The following SYNE2 variants were observed in gnomAD, a reference collection of about 807,000 sequenced individuals.
SYNE2 encodes the protein spectrin repeat containing nuclear envelope protein 2, also known as nesprin-2.
Under a neutral mutation model 856.3 loss-of-function variants are expected in SYNE2, and 431 were observed. The ratio of observed to expected loss-of-function variants is 0.50; its 90% confidence interval spans 0.47 to 0.55. SYNE2 has a LOEUF of 0.55. Ranked by LOEUF, SYNE2 falls within the 20% of genes least tolerant of loss-of-function variation. The pLI, the probability that SYNE2 is intolerant of heterozygous loss-of-function variation, is 0.00. For synonymous variants in SYNE2, 2,923 were observed against 2,872.3 expected (o/e 1.02, Z -0.56); for missense variants, 8,129 against 8,023.2 (o/e 1.01, Z -0.50).
chr14:63,981,956 T>C (rs1269123614), intron 16 of SYNE2, among the ~76,000 whole-genome samples: 1 of 152,164 alleles, frequency 6.6e-6, no homozygotes, highest in Admixed American at 6.5e-5. Context: ...TCCAACAGTC[T>C]TTCTGTCTTT....
At chr14:63,836,604 G>A (rs895381492) in intron 1 of SYNE2, among the ~76,000 whole-genome samples, 2 of 152,016 alleles carry the variant, frequency 1.3e-5, no homozygotes, top group Admixed American at 1.3e-4. Flanking sequence ...AAGTTTTGTT[G>A]GTTGTGCCTT....
chr14:63,813,294 G>A (rs960587657), intron 1 of SYNE2, among the ~76,000 whole-genome samples: 1 of 152,180 alleles, frequency 6.6e-6, no homozygotes, highest in Non-Finnish European at 1.5e-5. Flanking sequence ...TGAATGTAGA[G>A]AGAAAAATCG....
chr14:64,035,169 G>A (rs2097076934), intron 45 of SYNE2, among the ~76,000 whole-genome samples: 1 of 151,850 alleles, frequency 6.6e-6, no homozygotes, highest in African/African-American at 2.4e-5. Flanking sequence ...TGATGTTTAA[G>A]AAGGCATTTG....
At chr14:63,815,124 C>G (rs183409947) in intron 1 of SYNE2, among the ~76,000 whole-genome samples, 2 of 93,750 alleles carry the variant, frequency 2.1e-5, no homozygotes, top group Non-Finnish European at 4.7e-5. Flanking sequence ...CCATATATAT[C>G]CACATATATA....
In SYNE2 at chr14:64,096,680, T is replaced by C. The variant is rs528772919; in HGVS notation, c.12109-1269T>C. On this transcript the variant is annotated intron_variant, in intron 61 of 115. Coordinates refer to ENST00000555002, the MANE Select transcript of SYNE2 (RefSeq NM_182914.3). ...CAGAATAGGGGTATTGGCATAGAAATGTGTGCAGTACAGCCAGGAGAAAGC... is the reference window on the plus strand; with the variant it reads ...CAGAATAGGGGTATTGGCATAGAAACGTGTGCAGTACAGCCAGGAGAAAGC... Among the ~76,000 whole-genome samples the C allele has an allele frequency of 4.7e-4, 72 of 152,302 alleles. 1 individual carries two copies. Among genetic ancestry groups the C allele is most frequent in the African/African-American group, 1.3e-3 (56 of 41,554 alleles).
At chr14:63,948,766 A>G (rs28446097) in intron 6 of SYNE2, among the ~76,000 whole-genome samples, 2 of 57,896 alleles carry the variant, frequency 3.5e-5, no homozygotes, top group African/African-American at 1.2e-4. Context: ...ATATGTATAT[A>G]TATGTATGTG....
intron 1 of SYNE2, among the ~76,000 whole-genome samples, chr14:63,812,671 G>C (rs1347866902): frequency 6.6e-6 from 1 of 152,168 alleles, no homozygotes; most frequent in Non-Finnish European, 1.5e-5. Flanking sequence ...TTTGGGAACT[G>C]ATAAATATCC....
At chr14:64,037,033 C>CT (rs2097095897) in intron 45 of SYNE2, among the ~76,000 whole-genome samples, 1 of 152,084 alleles carries the variant, frequency 6.6e-6, no homozygotes, top group Non-Finnish European at 1.5e-5. Context: ...GAGAGAGCTC[C>CT]CAGGAAGCAG....
chr14:64,111,067 A>T (rs976730753), intron 65 of SYNE2, among the ~76,000 whole-genome samples: 1 of 152,130 alleles, frequency 6.6e-6, no homozygotes, highest in South Asian at 2.1e-4. Flanking sequence ...TACTGTCATT[A>T]AAAAAAGTGT....
chr14:64,140,205 G>A, intron 80 of SYNE2, 132 bp downstream of exon 80: 1 of 835,892 alleles, frequency 1.2e-6, no homozygotes, highest in Non-Finnish European at 2.0e-6. Flanking sequence ...AATGGCAGCT[G>A]TGTTCTTCAA....
Position 64,003,116 on chromosome 14 carries a change from G to C in SYNE2, c.4183G>C (p.Asp1395His). The change falls in exon 30 of 116, where the codon GAT becomes CAT. Residue 1395 changes from aspartate to histidine, a missense_variant. Physicochemically the swap from Asp to His is moderately conservative, Grantham distance 81. Transcript: ENST00000555002. ...DMSFKDAERG[D>H]DTSCENLLDA... is the part of the protein sequence containing the mutation. ...GAGCTTTAAAGATGCTGAACGGGGT[G>C]ATGACACCTCCTGTGAAAACCTGCT... is the stretch of plus-strand genomic sequence containing the variant. 1 of 1,614,180 alleles carries C rather than the reference G, an allele frequency of 6.2e-7. No homozygotes were observed. The highest frequency in any genetic ancestry group is 1.3e-5 in the African/African-American group (1 of 75,054).
chr14:63,954,687 G>A, intron 7 of SYNE2, 32 bp from the exon 8 acceptor site: 1 of 1,599,196 alleles, frequency 6.3e-7, no homozygotes, highest in Non-Finnish European at 8.6e-7. Flanking sequence ...CTTTTTAATG[G>A]TATTTGTCAT....
intron 2 of SYNE2, among the ~76,000 whole-genome samples, chr14:63,910,863 T>C (rs1048661336): frequency 9.9e-5 from 15 of 152,232 alleles, no homozygotes; most frequent in Admixed American, 9.8e-4. Context: ...GCCAAAATCT[T>C]ACTCTCAAAG....
intron 45 of SYNE2, among the ~76,000 whole-genome samples, chr14:64,033,346 G>A (rs2097057214): frequency 1.3e-5 from 2 of 152,104 alleles, no homozygotes; most frequent in Admixed American, 6.6e-5. Flanking sequence ...ACTCAATAGA[G>A]TATGTTGAGA....
At chr14:64,105,842 T>C (rs2097767503) in intron 64 of SYNE2, among the ~76,000 whole-genome samples, 1 of 151,800 alleles carries the variant, frequency 6.6e-6, no homozygotes. Flanking sequence ...GGCGGACAGC[T>C]TGAGCTCAGG....
At chr14:63,918,568 G>A (rs959027467) in intron 2 of SYNE2, among the ~76,000 whole-genome samples, 19 of 152,170 alleles carry the variant, frequency 1.2e-4, no homozygotes, top group South Asian at 6.2e-4. Context: ...GTCAGATGCC[G>A]GATGAATAAT....
Position 64,167,249 on chromosome 14 carries a change from T to C in SYNE2, c.16622T>C (p.Leu5541Pro). 6.2e-7 allele frequency: 1 copy of C among 1,614,238 alleles called. No individual in the cohort carries two copies. The highest frequency in any genetic ancestry group is 2.2e-5 in the East Asian group (1 of 44,888). The part of the protein sequence containing the change: ...PDSFLNHVLA[L>P]TAQSPDIEHL... ...TAAAAATAGAATCATGTGCTGGCAC[T>C]GACAGCCCAATCACCTGATATTGAA... is the stretch of plus-strand genomic sequence containing the variant. The change falls in exon 91 of 116, where the codon CTG becomes CCG. Residue 5541 changes from leucine (L) to proline (P), a missense_variant. This residue lies in a region of SYNE2 where 5,410 missense variants were observed against 5,284.8 expected (regional missense o/e 1.02). Transcript: ENST00000555002.
At chr14:63,997,211 A>C in intron 24 of SYNE2, 53 bp downstream of exon 24, 1 of 1,593,692 alleles carries the variant, frequency 6.3e-7, no homozygotes, top group Non-Finnish European at 8.6e-7. Flanking sequence ...AGCCTTTTGC[A>C]CGATCAAATG....
chr14:63,764,510 C>G (rs377399221), intron 1 of SYNE2, among the ~76,000 whole-genome samples: 2 of 149,534 alleles, frequency 1.3e-5, no homozygotes, highest in African/African-American at 2.5e-5. Flanking sequence ...CCCTGCCCCC[C>G]GCCCCCGCCT....
Sources: gnomAD v4.1 joint callset for allele counts (sites outside exome capture counted in the v4.1 genomes callset) on GRCh38, gnomAD v4.1.1 for gene constraint, gnomAD v4.1.1 regional missense constraint, MANE v1.5 for transcripts, NCBI Gene and HGNC (gene_info 2026-07-23, HGNC 2026-07-21) for gene names.